Variants in RABGAP1L observed in about 807,000 individuals in gnomAD.
RABGAP1L encodes RAB GTPase activating protein 1 like.
A neutral mutation model predicts 137.7 loss-of-function variants in RABGAP1L; 63 were observed. That is an observed-to-expected ratio of 0.46 (90% confidence interval 0.37 to 0.56). The LOEUF (loss-of-function observed/expected upper bound fraction) is 0.56, where lower values mean the gene tolerates loss of function less well. RABGAP1L is among the 20% of genes least tolerant of loss of function. RABGAP1L has a pLI of 0.00. For synonymous variants in RABGAP1L, 431 were observed against 433.7 expected, an observed-to-expected ratio of 0.99 and a Z score of 0.08; for missense variants, 1,095 against 1,244.0, an observed-to-expected ratio of 0.88 and a Z score of 1.80.
chr1:174,882,288 T>C (rs1654362426), intron 19 of RABGAP1L, among the ~76,000 whole-genome samples: 1 of 152,210 alleles, frequency 6.6e-6, no homozygotes, highest in Admixed American at 6.5e-5. Flanking sequence ...TGTTGCATAA[T>C]GGGAGGTGTT....
intron 14 of RABGAP1L, among the ~76,000 whole-genome samples, chr1:174,651,507 A>C (rs905539911): frequency 6.6e-6 from 1 of 152,080 alleles, no homozygotes; most frequent in Admixed American, 6.5e-5. Context: ...TGCTTTATGA[A>C]TCTGGGTGCT....
At chr1:174,833,453 T>TAG in intron 19 of RABGAP1L, among the ~76,000 whole-genome samples, 1 of 40,898 alleles carries the variant, frequency 2.4e-5, no homozygotes, top group Non-Finnish European at 1.0e-4. Flanking sequence ...TGTAGAGATA[T>TAG]ATATATATAT....
intron 17 of RABGAP1L, among the ~76,000 whole-genome samples, chr1:174,711,379 C>T (rs1245983523): frequency 2.6e-5 from 4 of 152,008 alleles, no homozygotes; most frequent in Non-Finnish European, 4.4e-5. Flanking sequence ...GCTGCCGGCA[C>T]GCTGTCACCT....
chr1:174,947,191 G>A (rs1667018741), intron 19 of RABGAP1L, among the ~76,000 whole-genome samples: 1 of 148,004 alleles, frequency 6.8e-6, no homozygotes, highest in Non-Finnish European at 1.5e-5. Context: ...GTTTTCAAAT[G>A]CAAGCGTGTT....
chr1:174,360,603 C>T (rs575417745), intron 11 of RABGAP1L, among the ~76,000 whole-genome samples: 2 of 152,202 alleles, frequency 1.3e-5, no homozygotes, highest in Admixed American at 1.3e-4. Flanking sequence ...AATGACCCAA[C>T]ATATAACTTG....
chr1:174,307,003 G>A (rs1485457305), intron 11 of RABGAP1L, among the ~76,000 whole-genome samples: 2 of 151,580 alleles, frequency 1.3e-5, no homozygotes, highest in Non-Finnish European at 1.5e-5. Context: ...ATTATTTTTA[G>A]CTAATATTTA....
At chr1:174,788,819 C>T (rs1687645758) in intron 18 of RABGAP1L, among the ~76,000 whole-genome samples, 1 of 152,122 alleles carries the variant, frequency 6.6e-6, no homozygotes, top group Non-Finnish European at 1.5e-5. Flanking sequence ...TCCAGTGATC[C>T]TCGTGCCTCA....
chr1:174,924,405 A>AAG (rs1317298152), intron 19 of RABGAP1L, among the ~76,000 whole-genome samples: 4 of 151,186 alleles, frequency 2.6e-5, no homozygotes, highest in East Asian at 1.9e-4. Flanking sequence ...AAAAAAAAAA[A>AAG]AGAGAGAGAT....
intron 19 of RABGAP1L, among the ~76,000 whole-genome samples, chr1:174,894,345 C>G (rs1044344623): frequency 2.0e-5 from 3 of 152,212 alleles, no homozygotes; most frequent in African/African-American, 7.2e-5. Flanking sequence ...GGAAATATAT[C>G]TTCCATTTAA....
chr1:174,220,540 C>CGCCTGTAGTCCCATCTACTTGACGA (rs1185774080), intron 2 of RABGAP1L, among the ~76,000 whole-genome samples: 4 of 151,960 alleles, frequency 2.6e-5, no homozygotes, highest in African/African-American at 9.7e-5. Context: ...TGGTCGTGCA[C>CGCCTGTAGTCCCATCTACTTGACGA]GCCTGTAGTC....
At chr1:174,639,333 C>G (rs767888332) in intron 14 of RABGAP1L, among the ~76,000 whole-genome samples, 2 of 152,000 alleles carry the variant, frequency 1.3e-5, no homozygotes, top group African/African-American at 4.8e-5. Context: ...GATATATCAT[C>G]TACTTTGAAA....
At chr1:174,497,391 A>G (rs1442789664) in intron 13 of RABGAP1L, among the ~76,000 whole-genome samples, 2 of 152,198 alleles carry the variant, frequency 1.3e-5, no homozygotes, top group African/African-American at 2.4e-5. Context: ...AGGAACTTCC[A>G]TGTATACTTT....
chr1:174,711,685 T>C (rs947677637), intron 17 of RABGAP1L, among the ~76,000 whole-genome samples: 2 of 152,180 alleles, frequency 1.3e-5, no homozygotes, highest in African/African-American at 2.4e-5. Context: ...CCCCTGGCAC[T>C]CCTGCCCTCC....
intron 13 of RABGAP1L, among the ~76,000 whole-genome samples, chr1:174,426,901 A>G (rs980945673): frequency 6.6e-6 from 1 of 152,074 alleles, no homozygotes; most frequent in Non-Finnish European, 1.5e-5. Flanking sequence ...GAAAGTAGAG[A>G]TACGTAACAG....
At chr1:174,874,505 T>G (rs1652750303) in intron 19 of RABGAP1L, 1 of 984,334 alleles carries the variant, frequency 1.0e-6, no homozygotes, top group Admixed American at 6.2e-5. Context: ...ACTCTTCTCC[T>G]GGTAAGTTTT....
At chr1:174,407,789 G>A (rs1208921518) in intron 13 of RABGAP1L, among the ~76,000 whole-genome samples, 1 of 152,022 alleles carries the variant, frequency 6.6e-6, no homozygotes, top group African/African-American at 2.4e-5. Context: ...TTCACTAGTG[G>A]CACTTCATAT....
At position 174,637,509 on chromosome 1, in the gene RABGAP1L, T is replaced by C. The variant is rs762613770; in HGVS notation, c.1824+21T>C. On this transcript the variant is annotated intron_variant, in intron 14 of 25. Transcript: ENST00000681986. Reference sequence around the variant, plus strand: ...GCAAGGTAGGACTCTCTTCCTCACTTTTTCTAAATTATTTTACAGAGCTAT... The same window carrying C: ...GCAAGGTAGGACTCTCTTCCTCACTCTTTCTAAATTATTTTACAGAGCTAT... 1.5e-5 allele frequency: 23 copies of C among 1,504,130 alleles called. 1 individual carries two copies. The South Asian group carries it at 2.6e-4, about 17-fold the overall frequency. 93.2% of individuals were successfully genotyped at this position (1,504,130 alleles called of 1,614,324 possible). A position where few individuals can be genotyped will look rare whatever the true frequency, so the allele number is the denominator to read the frequency against.
chr1:174,840,116 T>G (rs981936087), intron 19 of RABGAP1L, among the ~76,000 whole-genome samples: 1 of 152,122 alleles, frequency 6.6e-6, no homozygotes, highest in African/African-American at 2.4e-5. Flanking sequence ...CATCAGAACA[T>G]CTGCAGAGCA....
chr1:174,885,518 T>C (rs1654928600), intron 19 of RABGAP1L, among the ~76,000 whole-genome samples: 1 of 150,254 alleles, frequency 6.7e-6, no homozygotes, highest in Non-Finnish European at 1.5e-5. Context: ...TCACCGTGCC[T>C]GGCTAATTTT....
Sources: allele counts gnomAD v4.1 joint callset (sites outside exome capture counted in the v4.1 genomes callset), GRCh38; gene constraint gnomAD v4.1.1; transcripts MANE v1.5; gene names NCBI Gene and HGNC (gene_info 2026-07-23, HGNC 2026-07-21).